FOSL1: variants seen among roughly 807,000 people sequenced by gnomAD.
FOSL1 encodes the protein fos-related antigen 1.
A neutral mutation model predicts 24.9 loss-of-function variants in FOSL1; 14 were observed. The ratio of observed to expected loss-of-function variants is 0.56; its 90% CI spans 0.37 to 0.88. The LOEUF (loss-of-function observed/expected upper bound fraction) is 0.88. FOSL1 is among the 40% of genes least tolerant of loss of function. The pLI, the probability that FOSL1 is intolerant of heterozygous loss-of-function variation, is 0.00. For synonymous variants in FOSL1, 133 were observed against 145.1 expected (o/e 0.92, Z 0.60); for missense variants, 318 against 359.8 (o/e 0.88, Z 0.94).
At chr11:65,900,199 C>T in intron 1 of FOSL1, 42 bp downstream of exon 1, 1 of 1,008,466 alleles carries the variant, frequency 9.9e-7, no homozygotes, top group Non-Finnish European at 1.3e-6. Context: ...GCCTCCCACG[C>T]GCGGTCCTCC....
chr11:65,895,748 A>G (rs973914166), intron 2 of FOSL1, among the ~76,000 whole-genome samples: 2 of 152,058 alleles, frequency 1.3e-5, no homozygotes, highest in Admixed American at 1.3e-4. Context: ...GTTCTGGGAA[A>G]CCTGTCTCTG....
chr11:65,892,741 C>G lies in FOSL1; in HGVS notation c.*145G>C, dbSNP rs923206005. The G allele has an allele frequency of 6.1e-6, 5 of 823,916 alleles. No individual in the cohort carries two copies. The highest frequency in any genetic ancestry group is 1.0e-5 in the Non-Finnish European group (5 of 500,778). 51.0% of individuals were successfully genotyped at this position (823,916 alleles called of 1,614,324 possible). A position where few individuals can be genotyped will look rare whatever the true frequency, so the allele number is the denominator to read the frequency against. On this transcript the variant is annotated 3_prime_UTR_variant, in exon 4 of 4. Transcript: ENST00000312562. The stretch of plus-strand genomic sequence containing the variant: ...GCCCCAAGCTGGCTCTACTGTGAAG[C>G]ACAATATGGTCAGTCTCATTAGAGG...
Position 65,898,045 on chromosome 11 carries a change from G to GTTT in FOSL1, c.100-1042_100-1040dup, listed in dbSNP as rs71036252. ...TTGGCTAATTTTTTTTTTCTTTTCT[G>GTTT]TTTTTTTTTTTTTGAGACACAGTCT... On this transcript the variant is annotated intron_variant, in intron 1 of 3. Coordinates refer to ENST00000312562, the MANE Select transcript of FOSL1 (RefSeq NM_005438.5). Among the ~76,000 whole-genome samples the GTTT allele has an allele frequency of 2.2e-3, 229 of 101,836 alleles. 7 individuals carry two copies. Among genetic ancestry groups the GTTT allele is most frequent in the Non-Finnish European group, 2.9e-3 (166 of 56,468 alleles). 66.8% of individuals were successfully genotyped at this position (101,836 alleles called of 152,430 possible).
In FOSL1 at chr11:65,893,028, G is replaced by T; in HGVS notation, c.674C>A (p.Ser225Tyr). 1 of 1,612,410 alleles carries T rather than the reference G, an allele frequency of 6.2e-7. No homozygotes were observed. Among genetic ancestry groups the T allele is most frequent in the South Asian group, 1.1e-5 (1 of 90,942 alleles). ...CAGGCTGGGGGTGAAAGGAGTTAGG[G>T]AGGGTGTGGTCATGAGTGTGGGGGT... ...LHTPTLMTTP[S>Y]LTPFTPSLVF... is the part of the protein sequence containing the mutation. The change falls in exon 4 of 4, where the codon TCC becomes TAC. Residue 225 changes from serine to tyrosine, a missense_variant. Transcript: ENST00000312562.
intron 1 of FOSL1, among the ~76,000 whole-genome samples, chr11:65,899,838 T>C (rs1451312955): frequency 6.6e-6 from 1 of 152,074 alleles, no homozygotes; most frequent in African/African-American, 2.4e-5. Context: ...GTGGGGACCC[T>C]CACCCCAGCC....
chr11:65,894,199 T>C (rs1860468253), intron 2 of FOSL1, 78 bp from the exon 3 acceptor site: 2 of 1,062,640 alleles, frequency 1.9e-6, no homozygotes, highest in Non-Finnish European at 2.8e-6. Context: ...GGCCCAGTGG[T>C]AGGACCCTGG....
At chr11:65,894,390 C>T (rs1860472636) in intron 2 of FOSL1, among the ~76,000 whole-genome samples, 1 of 152,166 alleles carries the variant, frequency 6.6e-6, no homozygotes, top group Non-Finnish European at 1.5e-5. Flanking sequence ...CCTCATCTCC[C>T]AGGACTCAAC....
chr11:65,898,979 A>AAAAAAAAAAG (rs1860601991), intron 1 of FOSL1, among the ~76,000 whole-genome samples: 2 of 12,140 alleles, frequency 1.6e-4, no homozygotes, highest in African/African-American at 1.9e-4. Flanking sequence ...AAAAAAAAAG[A>AAAAAAAAAAG]AAAGAAAGAG....
intron 2 of FOSL1, 107 bp from the exon 3 acceptor site, chr11:65,894,228 C>G (rs904326177): frequency 4.0e-6 from 3 of 754,860 alleles, no homozygotes; most frequent in Non-Finnish European, 6.6e-6. Context: ...ATGGCAGGGC[C>G]CCCTCAGCCG....
In FOSL1 at chr11:65,894,056, C is replaced by G. The variant is rs551212950; in HGVS notation, c.363G>C (p.Lys121Asn). The change falls in exon 3 of 4, where the codon AAG (lysine) becomes AAC (asparagine). Residue 121 changes from lysine to asparagine, a missense_variant. By Grantham distance (94) the Lys-to-Asn change is moderately conservative. Coordinates refer to ENST00000312562, the MANE Select transcript of FOSL1 (RefSeq NM_005438.5). ...RRERNKLAAA[K>N]CRNRRKELTD... ...TCAGTTCCTTCCTCCGGTTCCTGCA[C>G]TTGGCCGCAGCCAGCTTGTTCCGCT... is the stretch of plus-strand genomic sequence containing the variant. 6.2e-7 allele frequency: 1 copy of G among 1,611,430 alleles called. No individual in the cohort carries two copies. Among genetic ancestry groups the G allele is most frequent in the East Asian group, 2.2e-5 (1 of 44,846 alleles).
chr11:65,896,740 G>T, intron 2 of FOSL1, 69 bp downstream of exon 2: 1 of 1,305,586 alleles, frequency 7.7e-7, no homozygotes, highest in South Asian at 1.4e-5. Context: ...CTCCTTTCTG[G>T]CAGGAGCTTC....
chr11:65,896,455 A>AC (rs1860527906), intron 2 of FOSL1, among the ~76,000 whole-genome samples: 1 of 150,374 alleles, frequency 6.7e-6, no homozygotes, highest in Non-Finnish European at 1.5e-5. Flanking sequence ...GCAGGTGGAG[A>AC]CCCCCTCACC....
chr11:65,895,661 G>A (rs1033262610), intron 2 of FOSL1, among the ~76,000 whole-genome samples: 5 of 152,308 alleles, frequency 3.3e-5, no homozygotes, highest in East Asian at 1.9e-4. Flanking sequence ...AAGGAAGGAC[G>A]CACAGGAGGG....
intron 2 of FOSL1, 134 bp from the exon 3 acceptor site, chr11:65,894,255 T>C: frequency 1.5e-6 from 1 of 654,164 alleles, no homozygotes; most frequent in South Asian, 1.8e-5. Context: ...TAGGGATCAC[T>C]GCACCCAACC....
chr11:65,896,987 C>T lies in FOSL1; in HGVS notation c.119G>A (p.Ser40Asn), dbSNP rs753130318. 11 of 1,613,810 alleles carry T rather than the reference C, an allele frequency of 6.8e-6. No homozygotes were observed. In the South Asian group the frequency reaches 1.2e-4, roughly 18 times the overall value. Reference sequence around the variant, plus strand: ...CTGACTGCCACTCATGGTGTTGATGCTTGGCACCAGGTGGAACTTCTAAGG... The same window carrying T: ...CTGACTGCCACTCATGGTGTTGATGTTTGGCACCAGGTGGAACTTCTAAGG... ...AAQQKFHLVPSINTMSGSQEL... is the reference protein window; with the variant it reads ...AAQQKFHLVPNINTMSGSQEL... Residue 40 changes from serine (S) to asparagine (N), a missense_variant, in exon 2 of 4, where the codon AGC (serine) becomes AAC (asparagine). Ser to Asn is a conservative substitution (Grantham distance 46). Transcript: ENST00000312562.
chr11:65,892,716 G>A lies in FOSL1; in HGVS notation c.*170C>T, dbSNP rs909008391. The A allele has an allele frequency of 1.4e-6, 1 of 725,636 alleles. No homozygotes were observed. Among genetic ancestry groups the A allele is most frequent in the Non-Finnish European group, 2.4e-6 (1 of 409,420 alleles). The allele number at this position is 725,636 out of a possible 1,614,324, so 44.9% of individuals were successfully genotyped here. ...AGAGAAACAGTGGGCAGCTTTGGTG[G>A]CCCCAAGCTGGCTCTACTGTGAAGC... On this transcript the variant is annotated 3_prime_UTR_variant, in exon 4 of 4. Coordinates refer to ENST00000312562, the MANE Select transcript of FOSL1 (RefSeq NM_005438.5).
At chr11:65,899,594 C>T (rs1204861770) in intron 1 of FOSL1, among the ~76,000 whole-genome samples, 4 of 152,234 alleles carry the variant, frequency 2.6e-5, no homozygotes, top group Admixed American at 6.5e-5. Context: ...CGTCCCGGAA[C>T]CTCGAGGTCT....
chr11:65,899,379 C>T (rs1427546827), intron 1 of FOSL1, among the ~76,000 whole-genome samples: 8 of 152,206 alleles, frequency 5.3e-5, no homozygotes, highest in Non-Finnish European at 8.8e-5. Flanking sequence ...GGGAGGGACG[C>T]CCCGGGTGAC....
At chr11:65,899,650 A>T (rs923556826) in intron 1 of FOSL1, among the ~76,000 whole-genome samples, 3 of 152,198 alleles carry the variant, frequency 2.0e-5, no homozygotes, top group African/African-American at 4.8e-5. Flanking sequence ...GTCTCCGGGG[A>T]CCTGGCAGGT....
Sources: allele counts gnomAD v4.1 joint callset (sites outside exome capture counted in the v4.1 genomes callset), GRCh38; gene constraint gnomAD v4.1.1; transcripts MANE v1.5; gene names NCBI Gene and HGNC (gene_info 2026-07-23, HGNC 2026-07-21).